ANKRD55: variants seen among roughly 807,000 people sequenced by gnomAD.
ANKRD55 encodes ankyrin repeat domain 55, also known as ankyrin repeat domain-containing protein 55.
In ANKRD55, 41 loss-of-function variants were observed where a neutral mutation model predicts 60.6. The ratio of observed to expected loss-of-function variants is 0.68; its 90% CI spans 0.53 to 0.88. The LOEUF (loss-of-function observed/expected upper bound fraction) is 0.88. Ranked by LOEUF, ANKRD55 falls within the 40% of genes least tolerant of loss-of-function variation. The pLI is 0.00. For synonymous variants in ANKRD55, 264 were observed against 290.3 expected, an observed-to-expected ratio of 0.91 and a Z score of 0.92; for missense variants, 732 against 767.6, an observed-to-expected ratio of 0.95 and a Z score of 0.55.
At chr5:56,148,948 C>A (rs552606177) in intron 6 of ANKRD55, among the ~76,000 whole-genome samples, 46 of 152,194 alleles carry the variant, frequency 3.0e-4, no homozygotes, top group African/African-American at 1.1e-3. Flanking sequence ...AGCAGCTTGG[C>A]TCTGGTTGAC....
chr5:56,194,177 G>C (rs1344459521), intron 2 of ANKRD55, among the ~76,000 whole-genome samples: 1 of 152,134 alleles, frequency 6.6e-6, no homozygotes, highest in East Asian at 1.9e-4. Flanking sequence ...TTAGCTGGGC[G>C]TGGTGGCGCG....
chr5:56,139,586 G>T (rs1757698816), intron 7 of ANKRD55, among the ~76,000 whole-genome samples: 1 of 152,198 alleles, frequency 6.6e-6, no homozygotes, highest in Admixed American at 6.5e-5. Flanking sequence ...GACAGCAGGG[G>T]AGAGAGAAGG....
At chr5:56,198,490 G>A (rs998793767) in intron 2 of ANKRD55, among the ~76,000 whole-genome samples, 1 of 151,758 alleles carries the variant, frequency 6.6e-6, no homozygotes, top group African/African-American at 2.4e-5. Flanking sequence ...TCACCATGTT[G>A]GTCAGGCTGG....
chr5:56,100,722 C>CT (rs1328027634), intron 11 of ANKRD55, among the ~76,000 whole-genome samples: 1 of 152,190 alleles, frequency 6.6e-6, no homozygotes, highest in Non-Finnish European at 1.5e-5. Flanking sequence ...CCTTTCATTT[C>CT]TTTTTTGTAG....
intron 2 of ANKRD55, among the ~76,000 whole-genome samples, chr5:56,208,038 A>G (rs1759557264): frequency 6.6e-6 from 1 of 152,106 alleles, no homozygotes; most frequent in Non-Finnish European, 1.5e-5. Context: ...GTTTTTTTCT[A>G]TTTTTAAAAT....
intron 5 of ANKRD55, among the ~76,000 whole-genome samples, chr5:56,161,536 A>T (rs1301362832): frequency 3.3e-5 from 5 of 152,246 alleles, no homozygotes; most frequent in African/African-American, 1.2e-4. Flanking sequence ...TTAGCAGTAA[A>T]TGTAATACAC....
chr5:56,229,188 C>A (rs1219006875), intron 2 of ANKRD55, among the ~76,000 whole-genome samples: 8 of 149,986 alleles, frequency 5.3e-5, no homozygotes, highest in Admixed American at 1.3e-4. Context: ...ACAAAGCTTA[C>A]AATGCAAGTA....
intron 2 of ANKRD55, among the ~76,000 whole-genome samples, chr5:56,217,895 CAAA>C (rs113477709): frequency 3.9e-5 from 3 of 76,738 alleles, no homozygotes; most frequent in Admixed American, 1.5e-4. Context: ...GACTCCGTCT[CAAA>C]AAAAAAAAAA....
chr5:56,184,472 C>T (rs771968296), intron 2 of ANKRD55, among the ~76,000 whole-genome samples: 2 of 152,218 alleles, frequency 1.3e-5, no homozygotes, highest in Admixed American at 6.5e-5. Flanking sequence ...ATGAAAGTCT[C>T]TTCATTTCAA....
chr5:56,227,753 A>T (rs1760155567), intron 2 of ANKRD55, among the ~76,000 whole-genome samples: 1 of 152,140 alleles, frequency 6.6e-6, no homozygotes, highest in South Asian at 2.1e-4. Context: ...AACATTGGGT[A>T]GGTCATAACC....
intron 6 of ANKRD55, among the ~76,000 whole-genome samples, chr5:56,150,886 G>A (rs562216583): frequency 3.3e-5 from 5 of 152,322 alleles, no homozygotes; most frequent in Middle Eastern, 3.4e-3. Flanking sequence ...GCGACAAAGC[G>A]AGACTCCGTC....
chr5:56,110,257 G>C (rs1234520823), intron 10 of ANKRD55, among the ~76,000 whole-genome samples: 1 of 150,068 alleles, frequency 6.7e-6, no homozygotes, highest in South Asian at 2.1e-4. Flanking sequence ...AAAATAGCCA[G>C]ATGTAGCAGT....
At chr5:56,142,375 C>T (rs1415074917) in intron 7 of ANKRD55, among the ~76,000 whole-genome samples, 1 of 152,030 alleles carries the variant, frequency 6.6e-6, no homozygotes, top group African/African-American at 2.4e-5. Flanking sequence ...AAAAACCCAG[C>T]GATTCCACCC....
intron 7 of ANKRD55, among the ~76,000 whole-genome samples, chr5:56,130,827 CT>C (rs1757388386): frequency 6.6e-6 from 1 of 152,084 alleles, no homozygotes; most frequent in Non-Finnish European, 1.5e-5. Context: ...ATAAAAAACA[CT>C]GTAATGGAAA....
intron 7 of ANKRD55, among the ~76,000 whole-genome samples, chr5:56,136,775 A>G (rs1469546119): frequency 2.1e-5 from 3 of 139,804 alleles, no homozygotes; most frequent in African/African-American, 9.3e-5. Flanking sequence ...ACAAAAAATT[A>G]CCTAGGCATT....
At chr5:56,215,267 GT>G (rs1173974338) in intron 2 of ANKRD55, among the ~76,000 whole-genome samples, 1 of 152,194 alleles carries the variant, frequency 6.6e-6, no homozygotes, top group Admixed American at 6.5e-5. Flanking sequence ...GCAATATCTA[GT>G]TCGCATCACA....
At chr5:56,149,128 C>A (rs967355846) in intron 6 of ANKRD55, among the ~76,000 whole-genome samples, 10 of 152,112 alleles carry the variant, frequency 6.6e-5, no homozygotes, top group African/African-American at 1.9e-4. Flanking sequence ...CATTTTCTTT[C>A]ATTTTTATTT....
chr5:56,201,560 T>C (rs1759380893), intron 2 of ANKRD55, among the ~76,000 whole-genome samples: 1 of 152,242 alleles, frequency 6.6e-6, no homozygotes. Flanking sequence ...CTGCTAGCTA[T>C]GTGACCTTAG....
intron 7 of ANKRD55, chr5:56,137,055 T>C (rs1757622884): frequency 3.8e-6 from 3 of 798,912 alleles, no homozygotes; most frequent in Non-Finnish European, 6.8e-6. Context: ...CGTGTTCACT[T>C]TACGAACACT....
Sources: gnomAD v4.1 joint callset for allele counts (sites outside exome capture counted in the v4.1 genomes callset) on GRCh38, gnomAD v4.1.1 for gene constraint, MANE v1.5 for transcripts, NCBI Gene and HGNC (gene_info 2026-07-23, HGNC 2026-07-21) for gene names.